The following CCDC125 variants were observed in gnomAD, a reference collection of about 807,000 sequenced individuals.
CCDC125 encodes coiled-coil domain-containing protein 125.
CCDC125 carries 43 observed loss-of-function variants against 57.4 expected under a neutral mutation model. That is an observed-to-expected ratio of 0.75 (90% CI 0.59 to 0.97). CCDC125 has a LOEUF of 0.97. Ranked by LOEUF, CCDC125 falls within the 50% of genes least tolerant of loss-of-function variation. The probability of loss-of-function intolerance (pLI) is 0.00; values close to 1 mark genes in which losing one functional copy is unlikely to be tolerated. For synonymous variants in CCDC125, 187 were observed against 195.2 expected (o/e 0.96, Z 0.35); for missense variants, 563 against 595.7 (o/e 0.95, Z 0.57).
At chr5:69,315,452 A>C (rs1177776788) in intron 2 of CCDC125, among the ~76,000 whole-genome samples, 1 of 5,438 alleles carries the variant, frequency 1.8e-4, no homozygotes, top group African/African-American at 2.6e-4. Context: ...AAAAAAAACA[A>C]AAAAAAAAAC....
In CCDC125 at chr5:69,313,867, G is replaced by C; in HGVS notation, c.366+118C>G. The stretch of plus-strand genomic sequence containing the variant: ...CACCATCAGAGACAGCCACAACAGA[G>C]GCCATGTTTCCAGAAGCAAAAAGGA... On this transcript the variant is annotated intron_variant, in intron 3 of 11. Transcript: ENST00000396496. 3 of 878,496 alleles carry C rather than the reference G, an allele frequency of 3.4e-6. No homozygotes were observed. The Admixed American group carries it at 5.3e-5, about 15-fold the overall frequency. The allele number at this position is 878,496 out of a possible 1,614,324, so 54.4% of individuals were successfully genotyped here. A position where few individuals can be genotyped will look rare whatever the true frequency, so the allele number is the denominator to read the frequency against.
In CCDC125 at chr5:69,320,219, G is replaced by A; in HGVS notation, c.304+18C>T. On this transcript the variant is annotated intron_variant, in intron 2 of 11. Transcript: ENST00000396496. ...TATGCACAGGAGAAAGAAAGGAGAG[G>A]AAATTCAGCATTCTTACCAGTGCTA... The A allele has an allele frequency of 6.3e-7, 1 of 1,594,934 alleles. No homozygotes were observed. Among genetic ancestry groups the A allele is most frequent in the South Asian group, 1.1e-5 (1 of 89,592 alleles).
At chr5:69,279,470 A>G (rs1189019332), downstream of CCDC125, among the ~76,000 whole-genome samples, 1 of 152,166 alleles carries the variant, frequency 6.6e-6, no homozygotes, top group Non-Finnish European at 1.5e-5. Context: ...TGCTGGGATT[A>G]CAGGCGTGAG....
At position 69,280,484 on chromosome 5, in the gene CCDC125, A is replaced by G. The variant is rs1752410380; in HGVS notation, c.*2245T>C. 1 of 152,218 alleles carries G rather than the reference A, an allele frequency of 6.6e-6. No individual in the cohort carries two copies. The highest frequency in any genetic ancestry group is 2.4e-5 in the African/African-American group (1 of 41,470). The allele number at this position is 152,218 out of a possible 1,614,324, so 9.4% of individuals were successfully genotyped here. On this transcript the variant is annotated 3_prime_UTR_variant, in exon 12 of 12. Coordinates refer to ENST00000396496, the MANE Select transcript of CCDC125 (RefSeq NM_176816.5). Reference sequence around the variant, plus strand: ...TTATGAATAATAATGCAAAACTCCCATAAAGGGAGTTTCTCCAGCAATAAT... The same window carrying G: ...TTATGAATAATAATGCAAAACTCCCGTAAAGGGAGTTTCTCCAGCAATAAT...
At chr5:69,318,116 G>A (rs1759421865) in intron 2 of CCDC125, among the ~76,000 whole-genome samples, 2 of 151,172 alleles carry the variant, frequency 1.3e-5, no homozygotes, top group African/African-American at 4.9e-5. Context: ...TGAGTAGCTG[G>A]GATTACAGGT....
intron 1 of CCDC125, among the ~76,000 whole-genome samples, chr5:69,330,645 G>A (rs563641298): frequency 6.6e-6 from 1 of 151,950 alleles, no homozygotes; most frequent in African/African-American, 2.4e-5. Context: ...CTCCCTCTGA[G>A]TCCTCTATTT....
intron 1 of CCDC125, among the ~76,000 whole-genome samples, chr5:69,325,825 CAAAAAAAA>C (rs70992925): frequency 1.4e-4 from 5 of 35,634 alleles, no homozygotes; most frequent in Non-Finnish European, 2.1e-4. Context: ...CCCTCTGTCT[CAAAAAAAA>C]AAAAAAAAAA....
At position 69,292,500 on chromosome 5, in the gene CCDC125, T is replaced by G. The variant is rs568269988; in HGVS notation, c.925-138A>C. 4.7e-6 allele frequency: 3 copies of G among 637,620 alleles called. No homozygotes were observed. The South Asian group carries it at 6.0e-5, about 13-fold the overall frequency. 39.5% of individuals were successfully genotyped at this position (637,620 alleles called of 1,614,324 possible). A position where few individuals can be genotyped will look rare whatever the true frequency, so the allele number is the denominator to read the frequency against. On this transcript the variant is annotated intron_variant, in intron 9 of 11. Coordinates refer to ENST00000396496, the MANE Select transcript of CCDC125 (RefSeq NM_176816.5). ...CTGTGGTCTGATCTAGTTTATCTGA[T>G]TACGCTAATTAATGCTTGCTATTTC...
At chr5:69,302,769 A>G (rs1266872702) in intron 7 of CCDC125, among the ~76,000 whole-genome samples, 1 of 152,062 alleles carries the variant, frequency 6.6e-6, no homozygotes, top group Non-Finnish European at 1.5e-5. Flanking sequence ...TCCTTGCATC[A>G]ACTTTCATCG....
chr5:69,299,999 C>A lies in CCDC125; in HGVS notation c.816+13G>T, dbSNP rs1756116778. ...ATGTCCCTTCTGTTCAGCTTTCCTGCATGCTTACCTACCTCAAGACCTGAA... is the reference window on the plus strand; with the variant it reads ...ATGTCCCTTCTGTTCAGCTTTCCTGAATGCTTACCTACCTCAAGACCTGAA... On this transcript the variant is annotated intron_variant, in intron 8 of 11. Transcript: ENST00000396496. 3 of 1,586,112 alleles carry A rather than the reference C, an allele frequency of 1.9e-6. No homozygotes were observed. Among genetic ancestry groups the A allele is most frequent in the East Asian group, 2.2e-5 (1 of 44,762 alleles).
intron 1 of CCDC125, among the ~76,000 whole-genome samples, chr5:69,329,857 A>G (rs1432953413): frequency 2.0e-5 from 3 of 152,262 alleles, no homozygotes; most frequent in African/African-American, 7.2e-5. Context: ...CCCAAATACA[A>G]TGGTAATTAG....
At chr5:69,294,377 G>A (rs201788815) in intron 9 of CCDC125, among the ~76,000 whole-genome samples, 3 of 151,130 alleles carry the variant, frequency 2.0e-5, no homozygotes, top group African/African-American at 4.9e-5. Flanking sequence ...GTGTAATCTC[G>A]GCTCACTGCA....
chr5:69,292,510 T>A, intron 9 of CCDC125, 148 bp from the exon 10 acceptor site: 1 of 625,430 alleles, frequency 1.6e-6, no homozygotes, highest in Non-Finnish European at 2.8e-6. Flanking sequence ...TTACGCTAAT[T>A]AATGCTTGCT....
the CCDC125 span, chr5:69,273,045 T>A: frequency 6.6e-7 from 1 of 1,507,400 alleles, no homozygotes; most frequent in African/African-American, 1.4e-5. Context: ...CACACAGGTA[T>A]TTTGGTGTAT....
At chr5:69,286,500 TG>T (rs1163760185) in intron 10 of CCDC125, among the ~76,000 whole-genome samples, 1 of 151,792 alleles carries the variant, frequency 6.6e-6, no homozygotes, top group Non-Finnish European at 1.5e-5. Flanking sequence ...CCCAAAATGC[TG>T]GGATTACAGG....
intron 10 of CCDC125, among the ~76,000 whole-genome samples, chr5:69,290,760 G>C (rs929984596): frequency 8.0e-5 from 12 of 150,742 alleles, no homozygotes; most frequent in African/African-American, 2.9e-4. Flanking sequence ...CTCCCAAGTA[G>C]CTGGGACTAC....
At position 69,318,586 on chromosome 5, in the gene CCDC125, T is replaced by TA. The variant is rs1303784858; in HGVS notation, c.304+1650dup. ...GGTGAAACCCCATCTCTACTAAAAA[T>TA]ACAAAAAAAAAAAAAAATTAGCCAG... On this transcript the variant is annotated intron_variant, in intron 2 of 11. Coordinates refer to ENST00000396496, the MANE Select transcript of CCDC125 (RefSeq NM_176816.5). Among the ~76,000 whole-genome samples the TA allele has an allele frequency of 8.9e-3, 718 of 81,088 alleles. 4 individuals are homozygous for TA. Among genetic ancestry groups the TA allele is most frequent in the African/African-American group, 0.031 (684 of 22,322 alleles). 53.2% of individuals were successfully genotyped at this position (81,088 alleles called of 152,430 possible). A position where few individuals can be genotyped will look rare whatever the true frequency, so the allele number is the denominator to read the frequency against.
intron 11 of CCDC125, 47 bp downstream of exon 11, chr5:69,285,290 C>T: frequency 6.3e-7 from 1 of 1,597,316 alleles, no homozygotes; most frequent in Non-Finnish European, 8.5e-7. Context: ...GTGGGTTGGA[C>T]AAGCTTGGCT....
At chr5:69,285,523 T>G in intron 10 of CCDC125, 56 bp from the exon 11 acceptor site, 1 of 1,530,684 alleles carries the variant, frequency 6.5e-7, no homozygotes, top group Non-Finnish European at 8.8e-7. Context: ...ACTGATATAC[T>G]TCCAGCAAAA....
Sources: allele counts gnomAD v4.1 joint callset (sites outside exome capture counted in the v4.1 genomes callset), GRCh38; gene constraint gnomAD v4.1.1; transcripts MANE v1.5; gene names NCBI Gene and HGNC (gene_info 2026-07-23, HGNC 2026-07-21).